ANKRD36C: variants seen among roughly 807,000 people sequenced by gnomAD.
ANKRD36C encodes ankyrin repeat domain 36C.
Under a neutral mutation model 276.4 loss-of-function variants are expected in ANKRD36C, and 61 were observed. The ratio of observed to expected loss-of-function variants is 0.22; its 90% CI spans 0.18 to 0.27. ANKRD36C has a LOEUF of 0.27. Among genes scored for constraint, ANKRD36C ranks in the 10% least tolerant of loss-of-function variants. The pLI, the probability that ANKRD36C is intolerant of heterozygous loss-of-function variation, is 1.00. For synonymous variants in ANKRD36C, 483 were observed against 680.1 expected, an observed-to-expected ratio of 0.71 and a Z score of 4.51; for missense variants, 1,447 against 2,032.3, an observed-to-expected ratio of 0.71 and a Z score of 5.54.
intron 30 of ANKRD36C, 89 bp from the exon 31 acceptor site, chr2:95,923,778 G>C: frequency 6.4e-7 from 1 of 1,555,716 alleles, no homozygotes. Flanking sequence ...CAAGCTGTAT[G>C]CTCCTGCCTG....
At chr2:95,855,653 C>G in exon 63 of ANKRD36C, 1 of 1,611,482 alleles carries the variant, frequency 6.2e-7, no homozygotes, top group Non-Finnish European at 8.5e-7. Context: ...CTTTCAGAGC[C>G]TCTCCTGTGT....
intron 42 of ANKRD36C, among the ~76,000 whole-genome samples, chr2:95,903,349 G>A (rs1050939988): frequency 6.0e-5 from 9 of 150,420 alleles, no homozygotes; most frequent in African/African-American, 9.8e-5. Flanking sequence ...CAATATCAAC[G>A]TGGATATGCC....
intron 40 of ANKRD36C, among the ~76,000 whole-genome samples, chr2:95,913,852 A>G (rs925783752): frequency 1.3e-5 from 2 of 151,472 alleles, no homozygotes; most frequent in African/African-American, 4.8e-5. Flanking sequence ...TGTTCCCCAG[A>G]GCCCCTTATG....
At chr2:95,987,485 T>C (rs1265500585) in intron 1 of ANKRD36C, among the ~76,000 whole-genome samples, 2 of 151,714 alleles carry the variant, frequency 1.3e-5, no homozygotes, top group East Asian at 3.9e-4. Context: ...TATAAGAGAA[T>C]AGTAGCTAGC....
intron 48 of ANKRD36C, among the ~76,000 whole-genome samples, chr2:95,889,460 A>G (rs1676282061): frequency 6.6e-6 from 1 of 151,494 alleles, no homozygotes. Context: ...GACGCCTCTA[A>G]TATCTATTAC....
chr2:95,991,619 C>A, exon 1 of ANKRD36C: 3 of 1,614,040 alleles, frequency 1.9e-6, no homozygotes, highest in Non-Finnish European at 1.7e-6. Context: ...TCAGATGATA[C>A]GGTTTAATGG....
intron 3 of ANKRD36C, among the ~76,000 whole-genome samples, chr2:95,983,262 CTTA>C (rs1478722362): frequency 1.3e-5 from 2 of 151,782 alleles, no homozygotes; most frequent in Non-Finnish European, 2.9e-5. Flanking sequence ...ACTTTCACTG[CTTA>C]TTATTAAATA....
At chr2:95,921,676 T>C in exon 34 of ANKRD36C, 3 of 1,605,378 alleles carry the variant, frequency 1.9e-6, no homozygotes, top group South Asian at 1.1e-5. Flanking sequence ...TCGTCAGTTG[T>C]AGCCTGAATG....
chr2:95,962,361 A>G, exon 8 of ANKRD36C: 1 of 1,555,556 alleles, frequency 6.4e-7, no homozygotes, highest in African/African-American at 1.4e-5. Flanking sequence ...CCTGTCCCAG[A>G]TTTTTGTCCA....
chr2:95,871,517 C>A (rs148470351), intron 59 of ANKRD36C, among the ~76,000 whole-genome samples: 1 of 151,966 alleles, frequency 6.6e-6, no homozygotes, highest in East Asian at 1.9e-4. Flanking sequence ...CTGAAGGAAG[C>A]ACTAAACGTG....
At chr2:95,990,413 G>T (rs1429393793) in intron 1 of ANKRD36C, among the ~76,000 whole-genome samples, 1 of 152,124 alleles carries the variant, frequency 6.6e-6, no homozygotes, top group Non-Finnish European at 1.5e-5. Context: ...ATATTGGTGT[G>T]TTCCTGGATT....
chr2:95,893,535 G>A, intron 44 of ANKRD36C: 16 of 1,544,458 alleles, frequency 1.0e-5, no homozygotes, highest in Non-Finnish European at 1.4e-5. Flanking sequence ...AAAATTACCT[G>A]TTCTAGATTT....
At chr2:95,902,715 G>A (rs1488398815) in intron 42 of ANKRD36C, among the ~76,000 whole-genome samples, 171 bp downstream of exon 54, 2 of 150,354 alleles carry the variant, frequency 1.3e-5, no homozygotes, top group Non-Finnish European at 3.0e-5. Flanking sequence ...CGAAGATCAT[G>A]TTCCAGACCA....
intron 36 of ANKRD36C, among the ~76,000 whole-genome samples, chr2:95,916,857 T>C (rs762445149): frequency 6.6e-6 from 1 of 151,700 alleles, no homozygotes; most frequent in Non-Finnish European, 1.5e-5. Flanking sequence ...TTAGACTCGA[T>C]AAAAATATCA....
intron 58 of ANKRD36C, among the ~76,000 whole-genome samples, chr2:95,880,087 A>G (rs2950742): frequency 1.5e-4 from 21 of 141,590 alleles, no homozygotes; most frequent in African/African-American, 4.5e-4. Context: ...GGCTGAGGCA[A>G]GAGAATTGCT....
At chr2:95,934,628 A>G (rs1230722502) in intron 24 of ANKRD36C, among the ~76,000 whole-genome samples, 1 of 152,298 alleles carries the variant, frequency 6.6e-6, no homozygotes, top group Non-Finnish European at 1.5e-5. Flanking sequence ...TAGGGGAGGG[A>G]CAGTATTAGT....
At chr2:95,880,301 C>T (rs1228442167) in intron 58 of ANKRD36C, 126 bp downstream of exon 78, 2 of 1,082,942 alleles carry the variant, frequency 1.8e-6, no homozygotes, top group South Asian at 1.6e-5. Flanking sequence ...ATAACAGCTG[C>T]ATTATTTAGA....
intron 10 of ANKRD36C, among the ~76,000 whole-genome samples, chr2:95,960,267 T>C (rs1261348059): frequency 1.3e-5 from 2 of 152,074 alleles, no homozygotes; most frequent in Admixed American, 6.6e-5. Context: ...AATTTCAGTG[T>C]AGGGAAGTCT....
rs541291353 is a variant in ANKRD36C at position 95,856,224 on chromosome 2, A to G, written c.4081-44T>C. The G allele has an allele frequency of 1.8e-4, 288 of 1,578,226 alleles. No homozygotes were observed. The African/African-American group carries it at 3.0e-3, about 17-fold the overall frequency. On this transcript the variant is annotated intron_variant, in intron 62 of 66. Coordinates refer to ENST00000456556, the Ensembl canonical transcript of ANKRD36C. The stretch of plus-strand genomic sequence containing the variant: ...ACTTGTAACTAGTATCCAATAGGAT[A>G]ACATATTGTGATTGCTTCTGAAATT...
Sources: gnomAD v4.1 joint callset for allele counts (sites outside exome capture counted in the v4.1 genomes callset) on GRCh38, gnomAD v4.1.1 for gene constraint, MANE v1.5 for transcripts, NCBI Gene and HGNC (gene_info 2026-07-23, HGNC 2026-07-21) for gene names.